The following TUBB6 variants were observed in gnomAD, a reference collection of about 807,000 sequenced individuals.
TUBB6 encodes the protein tubulin beta 6 class V.
Under a neutral mutation model 32.3 loss-of-function variants are expected in TUBB6, and 18 were observed. The ratio of observed to expected loss-of-function variants is 0.56; its 90% CI spans 0.39 to 0.83. The LOEUF (loss-of-function observed/expected upper bound fraction) is 0.83. TUBB6 is among the 40% of genes least tolerant of loss of function. The probability of loss-of-function intolerance (pLI) is 0.00; values close to 1 mark genes in which losing one functional copy is unlikely to be tolerated. For missense variants in TUBB6, 480 were observed against 632.0 expected, an observed-to-expected ratio of 0.76 and a Z score of 2.58; for synonymous variants, 280 against 265.8, an observed-to-expected ratio of 1.05 and a Z score of -0.52.
downstream of TUBB6, chr18:12,329,302 G>A: frequency 1.5e-6 from 1 of 687,090 alleles, no homozygotes; most frequent in South Asian, 1.5e-5. Context: ...CGGCCACTCT[G>A]GGCTCAACCT....
downstream of TUBB6, chr18:12,329,615 C>T: frequency 6.2e-7 from 1 of 1,614,190 alleles, no homozygotes; most frequent in Non-Finnish European, 8.5e-7. Flanking sequence ...TTTTCCCGCT[C>T]CTTGTTCCAG....
intron 2 of TUBB6, among the ~76,000 whole-genome samples, chr18:12,309,244 C>A (rs1440738215): frequency 6.6e-6 from 1 of 150,876 alleles, no homozygotes; most frequent in Non-Finnish European, 1.5e-5. Context: ...GGTGGCCCAC[C>A]CCTGTAGTAC....
At chr18:12,321,416 C>T (rs1442040644) in intron 3 of TUBB6, among the ~76,000 whole-genome samples, 1 of 152,218 alleles carries the variant, frequency 6.6e-6, no homozygotes, top group Non-Finnish European at 1.5e-5. Flanking sequence ...CAGTAGACCT[C>T]ATTGTGAGCA....
rs774294788 is a variant in TUBB6 at position 12,325,833 on chromosome 18, C to T, written c.1044C>T (p.Asn348=). Reference sequence around the variant, plus strand: ...ACTTCGTGGAGTGGATTCCCAACAACGTGAAGGTGGCCGTGTGCGACATCC... The same window carrying T: ...ACTTCGTGGAGTGGATTCCCAACAATGTGAAGGTGGCCGTGTGCGACATCC... The part of the protein sequence containing the change: ...SSYFVEWIPN[N]VKVAVCDIPP... The change falls in exon 4 of 4, where the codon AAC becomes AAT. Residue 348 remains asparagine, a synonymous_variant. Transcript: ENST00000317702. 1.2e-6 allele frequency: 2 copies of T among 1,614,232 alleles called. No homozygotes were observed. Among genetic ancestry groups the T allele is most frequent in the South Asian group, 1.1e-5 (1 of 91,084 alleles).
At chr18:12,324,543 AG>A (rs1469871853) in intron 3 of TUBB6, among the ~76,000 whole-genome samples, 1 of 148,178 alleles carries the variant, frequency 6.7e-6, no homozygotes, top group African/African-American at 2.5e-5. Context: ...CCCAGGTCCC[AG>A]GTTCAAGCAA....
intron 3 of TUBB6, among the ~76,000 whole-genome samples, chr18:12,321,584 C>G (rs1906990065): frequency 6.6e-6 from 1 of 152,220 alleles, no homozygotes. Flanking sequence ...GTGAGTGCAG[C>G]ATCAGGGATG....
rs866296124 is a variant in TUBB6, at chr18:12,308,744, G to C, written c.115G>C (p.Asp39His). ...GIDPAGGYVG[D>H]SALQLERINV... Reference sequence around the variant, plus strand: ...CGACCCGGCCGGAGGCTACGTGGGAGACTCGGCGCTGCAGCTGGAGAGAAT... The same window carrying C: ...CGACCCGGCCGGAGGCTACGTGGGACACTCGGCGCTGCAGCTGGAGAGAAT... The change falls in exon 2 of 4, where the codon GAC becomes CAC. Residue 39 changes from aspartate (D) to histidine (H), a missense_variant. Transcript: ENST00000317702. 5.6e-6 allele frequency: 9 copies of C among 1,613,258 alleles called. No individual in the cohort carries two copies. The highest frequency in any genetic ancestry group is 6.8e-6 in the Non-Finnish European group (8 of 1,179,536).
chr18:12,324,795 C>A (rs1388464411), intron 3 of TUBB6: 1 of 1,306,380 alleles, frequency 7.7e-7, no homozygotes, highest in Non-Finnish European at 9.7e-7. Flanking sequence ...CCTTTGAATT[C>A]TACCATGTGC....
At chr18:12,319,953 A>AT (rs1432000367) in intron 3 of TUBB6, among the ~76,000 whole-genome samples, 1 of 151,660 alleles carries the variant, frequency 6.6e-6, no homozygotes, top group Non-Finnish European at 1.5e-5. Context: ...TGCCATGCTA[A>AT]TTTTTTTTAT....
intron 3 of TUBB6, among the ~76,000 whole-genome samples, chr18:12,313,978 C>T (rs1906530722): frequency 6.6e-6 from 1 of 152,148 alleles, no homozygotes; most frequent in Non-Finnish European, 1.5e-5. Flanking sequence ...CATTAATATT[C>T]TGTATTGTGA....
chr18:12,308,497 G>C, intron 1 of TUBB6, 148 bp downstream of exon 1: 1 of 733,836 alleles, frequency 1.4e-6, no homozygotes, highest in South Asian at 3.0e-5. Flanking sequence ...CGCAGGGAGG[G>C]AGCGCCCGGG....
intron 2 of TUBB6, among the ~76,000 whole-genome samples, chr18:12,309,231 C>T (rs1906210783): frequency 6.9e-6 from 1 of 145,398 alleles, no homozygotes; most frequent in Non-Finnish European, 1.5e-5. Context: ...ATTAGCCGGG[C>T]TTGGTGGCCC....
intron 3 of TUBB6, among the ~76,000 whole-genome samples, chr18:12,319,134 CTTT>C (rs869296345): frequency 1.1e-4 from 1 of 9,460 alleles, no homozygotes; most frequent in Admixed American, 1.7e-3. Flanking sequence ...TTCCTTTTTC[CTTT>C]TTTTTTTTTT....
At chr18:12,322,227 G>A (rs1381751907) in intron 3 of TUBB6, among the ~76,000 whole-genome samples, 3 of 152,044 alleles carry the variant, frequency 2.0e-5, no homozygotes, top group Non-Finnish European at 4.4e-5. Flanking sequence ...GAACCCAGGA[G>A]GTGGAGGTTG....
chr18:12,308,235 GC>G, upstream of TUBB6: 1 of 1,290,564 alleles, frequency 7.7e-7, no homozygotes, highest in Non-Finnish European at 1.0e-6. Context: ...CGCGCAGCCG[GC>G]CCGCAGTTGC....
upstream of TUBB6, chr18:12,308,090 G>T: frequency 2.4e-5 from 4 of 164,320 alleles, no homozygotes; most frequent in South Asian, 7.3e-4. Flanking sequence ...AGGGTCCCCC[G>T]ACTGGCGCCC....
intron 2 of TUBB6, among the ~76,000 whole-genome samples, 191 bp from the exon 3 acceptor site, chr18:12,310,752 G>C (rs578238274): frequency 6.6e-6 from 1 of 152,294 alleles, no homozygotes; most frequent in Admixed American, 6.5e-5. Context: ...GCCTCCCAAT[G>C]TGCTGAGATT....
intron 3 of TUBB6, among the ~76,000 whole-genome samples, chr18:12,323,868 T>C (rs1446786514): frequency 6.6e-6 from 1 of 152,102 alleles, no homozygotes; most frequent in African/African-American, 2.4e-5. Context: ...TTACTTGAAC[T>C]CTGCATAAAA....
intron 3 of TUBB6, among the ~76,000 whole-genome samples, chr18:12,317,539 A>G (rs771508869): frequency 8.5e-5 from 13 of 152,216 alleles, no homozygotes; most frequent in Non-Finnish European, 1.6e-4. Context: ...CTATTGTTGG[A>G]AAGTTTTGTG....
Sources: gnomAD v4.1 joint callset for allele counts (sites outside exome capture counted in the v4.1 genomes callset) on GRCh38, gnomAD v4.1.1 for gene constraint, MANE v1.5 for transcripts, NCBI Gene and HGNC (gene_info 2026-07-23, HGNC 2026-07-21) for gene names.